The following MCUR1 variants were observed in gnomAD, a reference collection of about 807,000 sequenced individuals.
MCUR1 encodes MCU regulator 1.
A neutral mutation model predicts 42.0 loss-of-function variants in MCUR1; 37 were observed. That is an observed-to-expected ratio of 0.88 (90% confidence interval 0.68 to 1.16). The LOEUF is 1.16. Ranked by LOEUF, MCUR1 falls within the 50% of genes most tolerant of loss-of-function variation. MCUR1 has a pLI of 0.00. For missense variants in MCUR1, 469 were observed against 468.4 expected, an observed-to-expected ratio of 1.00 and a Z score of -0.01; for synonymous variants, 229 against 196.2, an observed-to-expected ratio of 1.17 and a Z score of -1.40.
At chr6:13,798,724 A>T in intron 6 of MCUR1, 109 bp downstream of exon 6, 2 of 725,258 alleles carry the variant, frequency 2.8e-6, no homozygotes, top group South Asian at 4.5e-5. Flanking sequence ...ACTGATAAAC[A>T]GATAAATATT....
chr6:13,787,650 T>C lies in MCUR1; in HGVS notation c.*3159A>G, dbSNP rs1296778653. The C allele has an allele frequency of 1.3e-5, 2 of 152,038 alleles. No individual in the cohort carries two copies. The highest frequency in any genetic ancestry group is 3.9e-4 in the East Asian group (2 of 5,182). 9.4% of individuals were successfully genotyped at this position (152,038 alleles called of 1,614,324 possible). A position where few individuals can be genotyped will look rare whatever the true frequency, so the allele number is the denominator to read the frequency against. ...GGGAAATACAGACGTTCCGTCCATGTGAGATTCTGCTTCAGGTATTGGACA... is the reference window on the plus strand; with the variant it reads ...GGGAAATACAGACGTTCCGTCCATGCGAGATTCTGCTTCAGGTATTGGACA... On this transcript the variant is annotated 3_prime_UTR_variant, in exon 9 of 9. Transcript: ENST00000379170.
chr6:13,809,054 A>G (rs183862074), intron 1 of MCUR1, among the ~76,000 whole-genome samples: 24 of 152,216 alleles, frequency 1.6e-4, no homozygotes, highest in Admixed American at 1.5e-3. Flanking sequence ...TGTGGGTTAT[A>G]AACTCTGTTG....
At chr6:13,813,245 G>T (rs1760277124) in intron 1 of MCUR1, among the ~76,000 whole-genome samples, 3 of 152,152 alleles carry the variant, frequency 2.0e-5, no homozygotes, top group African/African-American at 7.2e-5. Flanking sequence ...GTAGGCGACT[G>T]TCCTGAAGAG....
chr6:13,809,398 C>A (rs1251950414), intron 1 of MCUR1, among the ~76,000 whole-genome samples: 1 of 152,068 alleles, frequency 6.6e-6, no homozygotes, highest in East Asian at 1.9e-4. Context: ...GCATTCTTTT[C>A]TTGTAATGTC....
Position 13,790,026 on chromosome 6 carries a change from G to A in MCUR1, c.*783C>T, listed in dbSNP as rs1284588780. On this transcript the variant is annotated 3_prime_UTR_variant, in exon 9 of 9. Coordinates refer to ENST00000379170, the MANE Select transcript of MCUR1 (RefSeq NM_001031713.4). ...ATTAACATGACAACCAACTACAGCT[G>A]AAACAATACTATGGTACAGGGACTA... 6.6e-6 allele frequency: 1 copy of A among 152,220 alleles called. No individual in the cohort carries two copies. Among genetic ancestry groups the A allele is most frequent in the East Asian group, 1.9e-4 (1 of 5,198 alleles). 9.4% of individuals were successfully genotyped at this position (152,220 alleles called of 1,614,324 possible).
Position 13,814,282 on chromosome 6 carries a change from C to T in MCUR1, c.148G>A (p.Gly50Arg), listed in dbSNP as rs1249995938. The stretch of plus-strand genomic sequence containing the variant: ...GCCGGGGCGCGAGGGCGCAGCGCCC[C>T]CAGACCGTCGGAGAGCGCAGAGAGG... ...RCLSALSDGL[G>R]ALRPRAPAAR... The change falls in exon 1 of 9, where the codon GGG (glycine) becomes AGG (arginine). Residue 50 changes from glycine (G) to arginine (R), a missense_variant. Coordinates refer to ENST00000379170, the MANE Select transcript of MCUR1 (RefSeq NM_001031713.4). 9 of 1,493,966 alleles carry T rather than the reference C, an allele frequency of 6.0e-6. No individual in the cohort carries two copies. In the Admixed American group the frequency reaches 1.7e-4, roughly 29 times the overall value. 92.5% of individuals were successfully genotyped at this position (1,493,966 alleles called of 1,614,324 possible).
intron 1 of MCUR1, among the ~76,000 whole-genome samples, chr6:13,807,359 G>C (rs1228104688): frequency 6.6e-6 from 1 of 151,994 alleles, no homozygotes; most frequent in Admixed American, 6.6e-5. Context: ...TGGTCTATTT[G>C]CTGTCTCTTT....
chr6:13,809,889 G>A (rs563424946), intron 1 of MCUR1, among the ~76,000 whole-genome samples: 2 of 151,932 alleles, frequency 1.3e-5, no homozygotes, highest in East Asian at 3.9e-4. Context: ...GGGTGACAAA[G>A]CAAGATCCTG....
At chr6:13,794,061 G>A (rs747176918) in intron 6 of MCUR1, 114 bp from the exon 7 acceptor site, 79 of 838,968 alleles carry the variant, frequency 9.4e-5, no homozygotes, top group Non-Finnish European at 1.5e-4. Context: ...ACACCAGAAA[G>A]TCACCTCTGG....
chr6:13,795,121 T>C (rs114394998), intron 6 of MCUR1, among the ~76,000 whole-genome samples: 3,999 of 104,368 alleles, frequency 0.038, 162 homozygotes, highest in African/African-American at 0.12. Flanking sequence ...AGCTTAGAAG[T>C]AGAAAAAAAA....
At position 13,790,860 on chromosome 6, in the gene MCUR1, A is replaced by G. The variant is rs1259991182; in HGVS notation, c.1029T>C (p.Ser343=). ...KLDNIKYLAG[S]IFTCLTVALG... is the part of the protein sequence containing the mutation. ...GAGCTACTGTTAGGCACGTAAATAT[A>G]GACCCTGTAAGAAAAAAACAATTGA... Residue 343 remains serine, a synonymous_variant, in exon 9 of 9, where the codon TCT becomes TCC. Transcript: ENST00000379170. 3 of 1,608,018 alleles carry G rather than the reference A, an allele frequency of 1.9e-6. No individual in the cohort carries two copies. The highest frequency in any genetic ancestry group is 3.3e-4 in the Middle Eastern group (2 of 6,038).
chr6:13,798,701 A>G (rs1759910952), intron 6 of MCUR1, 132 bp downstream of exon 6: 1 of 512,836 alleles, frequency 1.9e-6, no homozygotes, highest in South Asian at 5.8e-5. Context: ...TAATAGAGAA[A>G]ATACAGCCTA....
At position 13,802,291 on chromosome 6, in the gene MCUR1, C is replaced by T. The variant is rs763140935; in HGVS notation, c.591G>A (p.Glu197=). ...IIVSALVKIL[E]ANMDIVYKDM... is the part of the protein sequence containing the mutation. ...CTTTGTAGACGATGTCCATGTTGGC[C>T]TCCAGGATCTTGACCAATGCAGACA... Residue 197 remains glutamate, a synonymous_variant, in exon 3 of 9, where the codon GAG becomes GAA. Transcript: ENST00000379170. 1 of 1,613,944 alleles carries T rather than the reference C, an allele frequency of 6.2e-7. No homozygotes were observed. The highest frequency in any genetic ancestry group is 1.7e-5 in the Admixed American group (1 of 60,008).
chr6:13,813,931 C>T, intron 1 of MCUR1, 84 bp downstream of exon 1: 1 of 1,210,078 alleles, frequency 8.3e-7, no homozygotes, highest in Non-Finnish European at 1.0e-6. Context: ...CGGGCCTTTC[C>T]TCGGGGAGGC....
At chr6:13,802,771 G>A (rs370843229) in intron 2 of MCUR1, among the ~76,000 whole-genome samples, 1 of 151,602 alleles carries the variant, frequency 6.6e-6, no homozygotes, top group African/African-American at 2.4e-5. Flanking sequence ...GATTTTCTAC[G>A]GTGGACAATA....
At chr6:13,804,198 C>A in intron 2 of MCUR1, 1 of 211,288 alleles carries the variant, frequency 4.7e-6, no homozygotes, top group East Asian at 1.7e-4. Context: ...TGGTGCATGC[C>A]TGTAATCCCA....
In MCUR1 at chr6:13,789,777, GT is replaced by G. The variant is rs1177857699; in HGVS notation, c.*1031del. 6.6e-6 allele frequency: 1 copy of G among 152,196 alleles called. No individual in the cohort carries two copies. The highest frequency in any genetic ancestry group is 1.5e-5 in the Non-Finnish European group (1 of 68,038). The allele number at this position is 152,196 out of a possible 1,614,324, so 9.4% of individuals were successfully genotyped here. A position where few individuals can be genotyped will look rare whatever the true frequency, so the allele number is the denominator to read the frequency against. ...GTTTTCTAGGTAGGTAATGCCACCA[GT>G]GGAGGATTATTACAGTTCTCAAATC... On this transcript the variant is annotated 3_prime_UTR_variant, in exon 9 of 9. Transcript: ENST00000379170.
chr6:13,793,120 C>A, intron 7 of MCUR1, among the ~76,000 whole-genome samples: 1 of 106,098 alleles, frequency 9.4e-6, no homozygotes, highest in African/African-American at 3.6e-5. Context: ...AGCGAGACCC[C>A]ACCTCAAAAA....
intron 1 of MCUR1, among the ~76,000 whole-genome samples, chr6:13,807,453 G>C (rs1307399982): frequency 6.6e-6 from 1 of 152,150 alleles, no homozygotes; most frequent in Non-Finnish European, 1.5e-5. Flanking sequence ...CACTTAGCAT[G>C]TTTTCAAGGG....
Sources: allele counts gnomAD v4.1 joint callset (sites outside exome capture counted in the v4.1 genomes callset), GRCh38; gene constraint gnomAD v4.1.1; transcripts MANE v1.5; gene names NCBI Gene and HGNC (gene_info 2026-07-23, HGNC 2026-07-21).